The following UNC79 variants were observed in gnomAD, a reference collection of about 807,000 sequenced individuals.
UNC79 encodes the protein unc-79 subunit of NALCN channel complex.
Under a neutral mutation model 283.1 loss-of-function variants are expected in UNC79, and 37 were observed. That is an observed-to-expected ratio of 0.13 (90% CI 0.10 to 0.17). The LOEUF (loss-of-function observed/expected upper bound fraction) is 0.17, where lower values mean the gene tolerates loss of function less well. Among genes scored for constraint, UNC79 ranks in the 10% least tolerant of loss-of-function variants. The probability of loss-of-function intolerance (pLI) is 1.00; values close to 1 mark genes in which losing one functional copy is unlikely to be tolerated. For synonymous variants in UNC79, 1,107 were observed against 1,200.2 expected, an observed-to-expected ratio of 0.92 and a Z score of 1.61; for missense variants, 2,272 against 3,211.1, an observed-to-expected ratio of 0.71 and a Z score of 7.07.
chr14:93,472,839 A>G (rs905589888), intron 2 of UNC79, among the ~76,000 whole-genome samples: 3 of 152,184 alleles, frequency 2.0e-5, no homozygotes, highest in Non-Finnish European at 4.4e-5. Flanking sequence ...AACCATTTAT[A>G]AACTGTTATC....
At chr14:93,603,280 G>A in exon 26 of UNC79, 1 of 1,614,194 alleles carries the variant, frequency 6.2e-7, no homozygotes, top group Non-Finnish European at 8.5e-7. Flanking sequence ...CCTCAGCGAT[G>A]CAGCCTTATG....
intron 7 of UNC79, among the ~76,000 whole-genome samples, chr14:93,503,018 G>A (rs1309172368): frequency 1.3e-5 from 2 of 152,098 alleles, no homozygotes; most frequent in Admixed American, 1.3e-4. Flanking sequence ...CCTGTGCCTT[G>A]TGTACATGCA....
intron 47 of UNC79, among the ~76,000 whole-genome samples, chr14:93,695,161 C>T (rs1426158685): frequency 6.6e-6 from 1 of 152,008 alleles, no homozygotes; most frequent in Non-Finnish European, 1.5e-5. Flanking sequence ...ATCCTTCTTC[C>T]TCTCCTTGTA....
At chr14:93,393,175 C>A (rs2054918271) in intron 1 of UNC79, among the ~76,000 whole-genome samples, 1 of 152,136 alleles carries the variant, frequency 6.6e-6, no homozygotes, top group African/African-American at 2.4e-5. Context: ...GATAAACTGA[C>A]CCACTTACAC....
intron 22 of UNC79, among the ~76,000 whole-genome samples, chr14:93,587,605 C>T (rs1566717496): frequency 1.3e-5 from 2 of 152,094 alleles, no homozygotes; most frequent in Non-Finnish European, 2.9e-5. Flanking sequence ...CATTCTTGTT[C>T]TGGGTACTTA....
At chr14:93,658,334 T>C (rs1440017740) in intron 38 of UNC79, among the ~76,000 whole-genome samples, 1 of 152,194 alleles carries the variant, frequency 6.6e-6, no homozygotes, top group African/African-American at 2.4e-5. Flanking sequence ...TTTGGGAGTT[T>C]CTGATTCAGC....
At chr14:93,613,323 T>TGTGTGA (rs1055241438) in intron 27 of UNC79, among the ~76,000 whole-genome samples, 1 of 149,108 alleles carries the variant, frequency 6.7e-6, no homozygotes, top group Admixed American at 6.7e-5. Context: ...TGTGTGTGTG[T>TGTGTGA]GAGAGAGAGA....
At chr14:93,641,375 C>A in intron 33 of UNC79, 128 bp downstream of exon 36, 1 of 831,394 alleles carries the variant, frequency 1.2e-6, no homozygotes, top group Non-Finnish European at 1.9e-6. Context: ...AGTATATTGC[C>A]TGGCACACAG....
chr14:93,672,119 G>A (rs150689667), intron 40 of UNC79, among the ~76,000 whole-genome samples: 2 of 152,262 alleles, frequency 1.3e-5, no homozygotes, highest in African/African-American at 2.4e-5. Flanking sequence ...ATAGGAAACA[G>A]TATAGATATT....
intron 30 of UNC79, among the ~76,000 whole-genome samples, chr14:93,623,859 C>T (rs766464298): frequency 2.6e-5 from 4 of 152,174 alleles, no homozygotes; most frequent in African/African-American, 4.8e-5. Flanking sequence ...TGCCACTGCA[C>T]TCCAGCCTGG....
intron 5 of UNC79, among the ~76,000 whole-genome samples, chr14:93,489,453 A>T (rs558760997): frequency 1.3e-4 from 20 of 152,356 alleles, no homozygotes; most frequent in African/African-American, 4.3e-4. Flanking sequence ...CTGTGAGCCT[A>T]TGAAATCAAA....
intron 2 of UNC79, among the ~76,000 whole-genome samples, chr14:93,471,813 C>A (rs960512622): frequency 6.6e-6 from 1 of 151,986 alleles, no homozygotes; most frequent in Non-Finnish European, 1.5e-5. Context: ...TGTTTTCATG[C>A]TGACATTCTT....
At position 93,532,591 on chromosome 14, in the gene UNC79, C is replaced by G. The variant is rs377403825; in HGVS notation, c.1122+13C>G. ...ATGTCAGAAAAAGGTAAGAGCAAAC[C>G]ATTTGTGTCGTTGGGGCATGATTTA... On this transcript the variant is annotated intron_variant, in intron 11 of 48. Transcript: ENST00000555664. 3.0e-5 allele frequency: 49 copies of G among 1,609,870 alleles called. No homozygotes were observed. The African/African-American group carries it at 5.2e-4, about 17-fold the overall frequency.
intron 18 of UNC79, among the ~76,000 whole-genome samples, chr14:93,579,458 T>C (rs557417474): frequency 5.3e-5 from 8 of 152,362 alleles, no homozygotes; most frequent in African/African-American, 1.9e-4. Flanking sequence ...ACTGGTATTC[T>C]ACTGATGGAA....
intron 2 of UNC79, among the ~76,000 whole-genome samples, chr14:93,468,668 C>T (rs768306885): frequency 2.6e-5 from 4 of 152,160 alleles, no homozygotes; most frequent in Admixed American, 6.5e-5. Context: ...AGCTTTGCCA[C>T]GGGAAAAGCT....
intron 27 of UNC79, among the ~76,000 whole-genome samples, chr14:93,616,203 A>G (rs2066710426): frequency 6.6e-6 from 1 of 152,114 alleles, no homozygotes; most frequent in Non-Finnish European, 1.5e-5. Context: ...ATCTAATCCC[A>G]TATTATTGAA....
At chr14:93,685,902 CTT>C (rs751618528) in intron 42 of UNC79, among the ~76,000 whole-genome samples, 57 of 152,304 alleles carry the variant, frequency 3.7e-4, no homozygotes, top group Admixed American at 1.1e-3. Context: ...TCCTTCAAAA[CTT>C]TTCAAACACA....
chr14:93,515,264 ATG>A (rs3060596), intron 7 of UNC79, among the ~76,000 whole-genome samples: 93,978 of 149,598 alleles, frequency 0.63, 29,797 homozygotes, highest in Middle Eastern at 0.74. Context: ...CCATATGTAT[ATG>A]TGTGTGTGTG....
At chr14:93,543,454 C>T (rs571108868) in intron 14 of UNC79, among the ~76,000 whole-genome samples, 1 of 149,364 alleles carries the variant, frequency 6.7e-6, no homozygotes, top group South Asian at 2.1e-4. Context: ...GTCATACTCA[C>T]AGCAGCTTTG....
Sources: gnomAD v4.1 joint callset for allele counts (sites outside exome capture counted in the v4.1 genomes callset) on GRCh38, gnomAD v4.1.1 for gene constraint, MANE v1.5 for transcripts, NCBI Gene and HGNC (gene_info 2026-07-23, HGNC 2026-07-21) for gene names.